SDK2: variants seen among roughly 807,000 people sequenced by gnomAD.
The protein encoded by SDK2 is sidekick cell adhesion molecule 2, also known as protein sidekick-2.
SDK2 carries 105 observed loss-of-function variants against 253.9 expected under a neutral mutation model. The observed-to-expected ratio is 0.41, with a 90% CI of 0.35 to 0.49. The LOEUF is 0.49. Among genes scored for constraint, SDK2 ranks in the 20% least tolerant of loss-of-function variants. The pLI is 0.06. For synonymous variants in SDK2, 1,249 were observed against 1,234.9 expected (o/e 1.01, Z -0.24); for missense variants, 2,608 against 3,003.0 (o/e 0.87, Z 3.07).
At chr17:73,372,182 G>A (rs745448572) in intron 36 of SDK2, among the ~76,000 whole-genome samples, 108 of 152,252 alleles carry the variant, frequency 7.1e-4, no homozygotes, top group Non-Finnish European at 1.2e-3. Context: ...GTTTGTGAGC[G>A]CTGCATTCTG....
At chr17:73,568,194 C>T (rs1489351029) in intron 1 of SDK2, among the ~76,000 whole-genome samples, 1 of 152,168 alleles carries the variant, frequency 6.6e-6, no homozygotes, top group African/African-American at 2.4e-5. Context: ...TGTTAGTTCA[C>T]AAGAGAGCTG....
intron 2 of SDK2, among the ~76,000 whole-genome samples, chr17:73,482,461 C>G (rs2063731807): frequency 1.3e-5 from 2 of 152,206 alleles, no homozygotes; most frequent in South Asian, 4.1e-4. Flanking sequence ...TGCTGGCCAC[C>G]ACTGAGCCTC....
At chr17:73,598,540 G>C (rs1300308254) in intron 1 of SDK2, among the ~76,000 whole-genome samples, 1 of 152,198 alleles carries the variant, frequency 6.6e-6, no homozygotes, top group Non-Finnish European at 1.5e-5. Context: ...ATGCAGCTCT[G>C]CTCTTTATAG....
At chr17:73,502,629 C>T (rs189156757) in intron 2 of SDK2, among the ~76,000 whole-genome samples, 1 of 152,302 alleles carries the variant, frequency 6.6e-6, no homozygotes, top group Admixed American at 6.5e-5. Context: ...TGCTAAATTA[C>T]TTTAAAGGGG....
chr17:73,584,403 C>A (rs114008643), intron 1 of SDK2, among the ~76,000 whole-genome samples: 1,922 of 152,294 alleles, frequency 0.013, 35 homozygotes, highest in African/African-American at 0.043. Flanking sequence ...TGAGGGTCAC[C>A]CTCTCAGTGC....
intron 12 of SDK2, among the ~76,000 whole-genome samples, chr17:73,427,594 AAG>A (rs1207331591): frequency 1.3e-5 from 2 of 150,186 alleles, no homozygotes; most frequent in Non-Finnish European, 3.0e-5. Context: ...AAAAATAAAA[AAG>A]AAGTCTTTTC....
At chr17:73,489,231 A>G (rs1313070711) in intron 2 of SDK2, among the ~76,000 whole-genome samples, 1 of 152,200 alleles carries the variant, frequency 6.6e-6, no homozygotes, top group Non-Finnish European at 1.5e-5. Flanking sequence ...CTTCGAGTCC[A>G]TTCATTTCCT....
chr17:73,429,908 C>T (rs888945049), intron 12 of SDK2, among the ~76,000 whole-genome samples: 2 of 152,108 alleles, frequency 1.3e-5, no homozygotes, highest in African/African-American at 4.8e-5. Context: ...TCCACAGAGG[C>T]GGGACTGAGT....
At chr17:73,504,215 T>TGAGAGAGA (rs1157339927) in intron 2 of SDK2, 3 of 81,712 alleles carry the variant, frequency 3.7e-5, no homozygotes, top group African/African-American at 9.4e-5. Flanking sequence ...TGTGTGTGTG[T>TGAGAGAGA]GAGAGAGAGA....
intron 2 of SDK2, among the ~76,000 whole-genome samples, chr17:73,492,096 G>A (rs1405370621): frequency 3.3e-5 from 5 of 152,106 alleles, no homozygotes; most frequent in Admixed American, 3.3e-4. Context: ...GGCCCACCAT[G>A]CTACCAAGGA....
At chr17:73,539,075 C>T (rs111269223) in intron 1 of SDK2, among the ~76,000 whole-genome samples, 4 of 152,276 alleles carry the variant, frequency 2.6e-5, no homozygotes, top group African/African-American at 9.6e-5. Flanking sequence ...GGAGAAAGGA[C>T]AGGTGGAGTG....
At chr17:73,376,162 T>C (rs1321293665) in intron 36 of SDK2, among the ~76,000 whole-genome samples, 6 of 151,324 alleles carry the variant, frequency 4.0e-5, no homozygotes, top group South Asian at 2.1e-4. Context: ...CCACTGCACT[T>C]CAGCCTGGCG....
chr17:73,602,905 A>G (rs1375447263), intron 1 of SDK2, among the ~76,000 whole-genome samples: 2 of 152,044 alleles, frequency 1.3e-5, no homozygotes, highest in Non-Finnish European at 2.9e-5. Flanking sequence ...TTTGTATTTT[A>G]GTAAAGACAG....
chr17:73,493,168 C>T (rs2063819012), intron 2 of SDK2, among the ~76,000 whole-genome samples: 1 of 152,194 alleles, frequency 6.6e-6, no homozygotes, highest in African/African-American at 2.4e-5. Context: ...TGGCCTGCAC[C>T]CATGTCTGTG....
chr17:73,355,340 G>A (rs995095069), intron 40 of SDK2, among the ~76,000 whole-genome samples: 1 of 148,602 alleles, frequency 6.7e-6, no homozygotes, highest in Non-Finnish European at 1.5e-5. Flanking sequence ...ACCACGCCCG[G>A]CTAACTTATT....
At chr17:73,408,046 CCT>C (rs1491186216) in intron 18 of SDK2, among the ~76,000 whole-genome samples, 2 of 50,950 alleles carry the variant, frequency 3.9e-5, no homozygotes, top group Admixed American at 2.9e-4. Context: ...TAAAATATTT[CCT>C]TTTTTTTTTT....
Position 73,390,364 on chromosome 17 carries a change from A to G in SDK2, c.4115T>C (p.Leu1372Pro). The G allele has an allele frequency of 6.2e-7, 1 of 1,612,104 alleles. No individual in the cohort carries two copies. The highest frequency in any genetic ancestry group is 8.5e-7 in the Non-Finnish European group (1 of 1,179,646). The change falls in exon 29 of 45, where the codon CTG (leucine) becomes CCG (proline). Residue 1372 changes from leucine to proline, a missense_variant. Leu to Pro is a moderately conservative substitution (Grantham distance 98). This residue lies in a region of SDK2 where 1,103 missense variants were observed against 1,143.9 expected (regional missense o/e 0.96). Coordinates refer to ENST00000392650, the MANE Select transcript of SDK2 (RefSeq NM_001144952.2). ...ATGLKPESVY[L>P]FRITAQTRKG... is the part of the protein sequence containing the mutation. The stretch of plus-strand genomic sequence containing the variant: ...GCGGGTCTGGGCCGTGATGCGGAAC[A>G]GGTAGACAGACTCTGGCTTGAGGCC...
intron 1 of SDK2, among the ~76,000 whole-genome samples, chr17:73,631,767 A>G (rs1191781815): frequency 1.3e-5 from 2 of 152,208 alleles, no homozygotes; most frequent in African/African-American, 4.8e-5. Flanking sequence ...CTACTTTGCA[A>G]GGGGCTGGTC....
At chr17:73,502,940 T>C (rs1227633761) in intron 2 of SDK2, among the ~76,000 whole-genome samples, 1 of 152,144 alleles carries the variant, frequency 6.6e-6, no homozygotes, top group Non-Finnish European at 1.5e-5. Flanking sequence ...ACGGGGCAAA[T>C]TGTCATCAGG....
Sources: gnomAD v4.1 joint callset for allele counts (sites outside exome capture counted in the v4.1 genomes callset) on GRCh38, gnomAD v4.1.1 for gene constraint, gnomAD v4.1.1 regional missense constraint, MANE v1.5 for transcripts, NCBI Gene and HGNC (gene_info 2026-07-23, HGNC 2026-07-21) for gene names.